The following HTR1E variants were observed in gnomAD, a reference collection of about 807,000 sequenced individuals.
The protein encoded by HTR1E is 5-HT-1E.
In HTR1E, 3 loss-of-function variants were observed where a neutral mutation model predicts 3.4. That is an observed-to-expected ratio of 0.89 (90% CI 0.41 to 2.31). HTR1E has a LOEUF of 2.31. HTR1E is among the 30% of genes most tolerant of loss of function. The pLI is 0.05. For synonymous variants in HTR1E, 170 were observed against 182.8 expected, an observed-to-expected ratio of 0.93 and a Z score of 0.56; for missense variants, 392 against 467.0, an observed-to-expected ratio of 0.84 and a Z score of 1.48.
intron 1 of HTR1E, among the ~76,000 whole-genome samples, chr6:86,959,582 C>A (rs987025950): frequency 6.6e-6 from 1 of 152,154 alleles, no homozygotes; most frequent in African/African-American, 2.4e-5. Flanking sequence ...AATCTGGGTA[C>A]CATTGCCTAG....
At chr6:86,948,285 T>C (rs1767154283) in intron 1 of HTR1E, among the ~76,000 whole-genome samples, 1 of 152,248 alleles carries the variant, frequency 6.6e-6, no homozygotes. Flanking sequence ...GAAAACATCA[T>C]TTCTAATAAG....
chr6:86,952,197 CAT>C (rs1269654292), intron 1 of HTR1E, among the ~76,000 whole-genome samples: 2 of 152,134 alleles, frequency 1.3e-5, no homozygotes, highest in Admixed American at 6.6e-5. Flanking sequence ...TTTCTACACA[CAT>C]GTGGCTAAAT....
intron 1 of HTR1E, among the ~76,000 whole-genome samples, chr6:86,947,933 G>A (rs1416597253): frequency 6.6e-6 from 1 of 151,996 alleles, no homozygotes; most frequent in Admixed American, 6.6e-5. Context: ...TGTTACATAG[G>A]TGTACATGTG....
chr6:86,981,770 G>A (rs1767715000), intron 1 of HTR1E, among the ~76,000 whole-genome samples: 1 of 152,106 alleles, frequency 6.6e-6, no homozygotes, highest in African/African-American at 2.4e-5. Context: ...CCAATTTACT[G>A]GTCTCAAAGA....
intron 1 of HTR1E, among the ~76,000 whole-genome samples, chr6:86,949,171 C>T (rs919115746): frequency 3.3e-5 from 5 of 152,130 alleles, no homozygotes; most frequent in African/African-American, 1.2e-4. Flanking sequence ...ATCCTAGTTC[C>T]ATCACTGACA....
intron 1 of HTR1E, among the ~76,000 whole-genome samples, chr6:86,939,667 G>A (rs1240638456): frequency 2.0e-5 from 3 of 152,210 alleles, no homozygotes; most frequent in African/African-American, 7.2e-5. Flanking sequence ...ATAATGAAGA[G>A]TATTCAAATT....
At chr6:86,957,822 T>C (rs1767347480) in intron 1 of HTR1E, among the ~76,000 whole-genome samples, 1 of 151,868 alleles carries the variant, frequency 6.6e-6, no homozygotes, top group Non-Finnish European at 1.5e-5. Flanking sequence ...TATCGAGATC[T>C]CATGTGCATG....
At chr6:86,970,273 C>A (rs967987091) in intron 1 of HTR1E, among the ~76,000 whole-genome samples, 4 of 152,148 alleles carry the variant, frequency 2.6e-5, no homozygotes, top group African/African-American at 9.7e-5. Context: ...CCTAAAGTAA[C>A]AACTGCTTCC....
intron 1 of HTR1E, among the ~76,000 whole-genome samples, chr6:87,013,395 T>C (rs1466553417): frequency 6.6e-6 from 1 of 152,202 alleles, no homozygotes; most frequent in African/African-American, 2.4e-5. Context: ...CTCATGATAT[T>C]TTTTATGTCA....
chr6:87,010,129 G>A (rs1443075544), intron 1 of HTR1E, among the ~76,000 whole-genome samples: 3 of 133,002 alleles, frequency 2.3e-5, no homozygotes, highest in Non-Finnish European at 4.8e-5. Context: ...TCCCAGTAGG[G>A]GCGGCCGGGC....
At chr6:86,949,788 C>T (rs892602501) in intron 1 of HTR1E, among the ~76,000 whole-genome samples, 5 of 152,096 alleles carry the variant, frequency 3.3e-5, no homozygotes, top group African/African-American at 1.2e-4. Flanking sequence ...TAACAAGTAA[C>T]TATACCTTTC....
rs570800027 is a variant in HTR1E at position 86,973,969 on chromosome 6, CTGCCTAGAATAAGTCTCCT to C, written c.-186+36148_-186+36166del. On this transcript the variant is annotated intron_variant, in intron 1 of 1. Transcript: ENST00000305344. Reference sequence around the variant, plus strand: ...AGTCCACACGGCCCATGTGTATTCTCTGCCTAGAATAAGTCTCCTTCACCTCTGGTTGACCAGATCCTTC... The same window carrying C: ...AGTCCACACGGCCCATGTGTATTCTCTCACCTCTGGTTGACCAGATCCTTC... 3.2e-4 allele frequency among the ~76,000 whole-genome samples: 49 copies of C among 152,316 alleles called. 1 individual carries two copies. Among genetic ancestry groups the C allele is most frequent in the African/African-American group, 1.2e-3 (48 of 41,564 alleles).
chr6:86,972,362 A>G (rs553119525), intron 1 of HTR1E, among the ~76,000 whole-genome samples: 33 of 152,210 alleles, frequency 2.2e-4, no homozygotes, highest in African/African-American at 7.0e-4. Context: ...GGGTATTTTC[A>G]GGGGAAAAAA....
intron 1 of HTR1E, among the ~76,000 whole-genome samples, chr6:86,965,177 C>G (rs1417206159): frequency 6.6e-6 from 1 of 152,160 alleles, no homozygotes; most frequent in African/African-American, 2.4e-5. Context: ...GGGGCTCCTC[C>G]GTCCATCCTG....
Position 87,016,367 on chromosome 6 carries a change from A to G in HTR1E, c.1033A>G (p.Thr345Ala). 6.2e-7 allele frequency: 1 copy of G among 1,613,566 alleles called. No individual in the cohort carries two copies. The highest frequency in any genetic ancestry group is 2.2e-5 in the East Asian group (1 of 44,870). The change falls in exon 2 of 2, where the codon ACG (threonine) becomes GCG (alanine). Residue 345 changes from threonine (T) to alanine (A), a missense_variant. Thr to Ala is a moderately conservative substitution (Grantham distance 58). This residue lies in a region of HTR1E where 25 missense variants were observed against 44.1 expected (regional missense o/e 0.57). Coordinates refer to ENST00000305344, the MANE Select transcript of HTR1E (RefSeq NM_000865.3). ...TTCTCTGATCAACCCTCTGCTCTATACGAGTTTTAATGAAGACTTTAAGCT... is the reference window on the plus strand; with the variant it reads ...TTCTCTGATCAACCCTCTGCTCTATGCGAGTTTTAATGAAGACTTTAAGCT... ...VNSLINPLLY[T>A]SFNEDFKLAF... is the part of the protein sequence containing the mutation.
At chr6:87,015,118 C>G in intron 1 of HTR1E, 32 bp from the exon 2 acceptor site, 1 of 371,566 alleles carries the variant, frequency 2.7e-6, no homozygotes, top group Non-Finnish European at 4.8e-6. Flanking sequence ...GTGGCTTTCT[C>G]ATTCATTAAC....
chr6:86,937,982 G>A (rs936258878), intron 1 of HTR1E, among the ~76,000 whole-genome samples, 159 bp downstream of exon 1: 3 of 152,238 alleles, frequency 2.0e-5, no homozygotes, highest in Non-Finnish European at 4.4e-5. Flanking sequence ...AGGGTCGCCC[G>A]GGCACCGTGC....
chr6:87,002,610 T>C (rs961881738), intron 1 of HTR1E, among the ~76,000 whole-genome samples: 3 of 152,098 alleles, frequency 2.0e-5, no homozygotes, highest in Non-Finnish European at 4.4e-5. Context: ...CTGATAGTGC[T>C]AATTGGTGTG....
chr6:86,941,031 C>G (rs2127814841), intron 1 of HTR1E, among the ~76,000 whole-genome samples: 1 of 152,326 alleles, frequency 6.6e-6, no homozygotes, highest in South Asian at 2.1e-4. Context: ...GACAGATGAA[C>G]AGGGAAGAGA....
Sources: allele counts gnomAD v4.1 joint callset (sites outside exome capture counted in the v4.1 genomes callset), GRCh38; gene constraint gnomAD v4.1.1; regional missense constraint gnomAD v4.1.1; transcripts MANE v1.5; gene names NCBI Gene and HGNC (gene_info 2026-07-23, HGNC 2026-07-21).